PCDH9: variants seen among roughly 807,000 people sequenced by gnomAD.
PCDH9 encodes the protein protocadherin 9.
PCDH9 carries 24 observed loss-of-function variants against 70.6 expected under a neutral mutation model. The observed-to-expected ratio is 0.34, with a 90% confidence interval of 0.25 to 0.48. The LOEUF is 0.48. PCDH9 is among the 20% of genes least tolerant of loss of function. The pLI, the probability that PCDH9 is intolerant of heterozygous loss-of-function variation, is 0.99. For synonymous variants in PCDH9, 562 were observed against 558.5 expected, an observed-to-expected ratio of 1.01 and a Z score of -0.09; for missense variants, 1,281 against 1,503.6, an observed-to-expected ratio of 0.85 and a Z score of 2.45.
chr13:66,784,120 T>C (rs964888947), intron 3 of PCDH9, among the ~76,000 whole-genome samples: 1 of 152,154 alleles, frequency 6.6e-6, no homozygotes, highest in Non-Finnish European at 1.5e-5. Context: ...GCTGTTTACC[T>C]ACCTCCAGAG....
At chr13:67,152,104 T>C (rs2087677572) in intron 2 of PCDH9, among the ~76,000 whole-genome samples, 1 of 152,222 alleles carries the variant, frequency 6.6e-6, no homozygotes, top group South Asian at 2.1e-4. Flanking sequence ...TTTTGTGTCC[T>C]ATTTGTTCCA....
At chr13:66,361,598 T>C (rs910035707) in intron 4 of PCDH9, among the ~76,000 whole-genome samples, 3 of 152,206 alleles carry the variant, frequency 2.0e-5, no homozygotes, top group Non-Finnish European at 4.4e-5. Context: ...ATTTCGAAAT[T>C]GAGCTCCTGA....
chr13:66,630,658 C>G (rs754656020), intron 4 of PCDH9: 2 of 152,048 alleles, frequency 1.3e-5, no homozygotes, highest in Non-Finnish European at 2.9e-5. Flanking sequence ...AAACAACCCC[C>G]AAATTGTTAT....
chr13:66,700,917 CATATAA>C (rs1378676860), intron 3 of PCDH9, among the ~76,000 whole-genome samples: 7,203 of 51,584 alleles, frequency 0.14, 788 homozygotes, highest in Non-Finnish European at 0.2. Context: ...TATGTGTGTA[CATATAA>C]ATATATATAT....
rs567408801 is a variant in PCDH9 at position 67,051,382 on chromosome 13, A to AT, written c.3037-147778dup. On this transcript the variant is annotated intron_variant, in intron 2 of 4. Transcript: ENST00000377865. ...CGAAATACCAGGAAAACAATACAAG[A>AT]TTTTTTTTTTTTTTTTTTTTTTTTT... 1.1e-3 allele frequency among the ~76,000 whole-genome samples: 75 copies of AT among 71,008 alleles called. 1 individual carries two copies. The highest frequency in any genetic ancestry group is 9.8e-3 in the Middle Eastern group (1 of 102). 46.6% of individuals were successfully genotyped at this position (71,008 alleles called of 152,430 possible).
chr13:66,750,421 G>C (rs2079439469), intron 3 of PCDH9, among the ~76,000 whole-genome samples: 1 of 151,674 alleles, frequency 6.6e-6, no homozygotes, highest in African/African-American at 2.4e-5. Context: ...AAGGTGTTTT[G>C]ACTTTCTCGT....
chr13:66,665,035 T>C (rs2078074242), intron 3 of PCDH9, among the ~76,000 whole-genome samples: 2 of 152,168 alleles, frequency 1.3e-5, no homozygotes, highest in Admixed American at 1.3e-4. Context: ...ACACTGTTTT[T>C]CTATTAATTT....
chr13:66,761,402 G>T (rs565194617), intron 3 of PCDH9, among the ~76,000 whole-genome samples: 1 of 152,024 alleles, frequency 6.6e-6, no homozygotes, highest in Non-Finnish European at 1.5e-5. Context: ...TCTGGGTTTG[G>T]ATACATCTAT....
chr13:66,907,107 G>C (rs2139607568), intron 2 of PCDH9, among the ~76,000 whole-genome samples: 1 of 152,170 alleles, frequency 6.6e-6, no homozygotes, highest in South Asian at 2.1e-4. Context: ...GGGAGTCTGA[G>C]GCACGAGAAT....
At chr13:66,759,551 A>C (rs139633555) in intron 3 of PCDH9, among the ~76,000 whole-genome samples, 11 of 152,072 alleles carry the variant, frequency 7.2e-5, no homozygotes, top group Non-Finnish European at 1.5e-4. Context: ...TATTTTAGAG[A>C]TCTTTTTTCT....
intron 4 of PCDH9, among the ~76,000 whole-genome samples, chr13:66,606,835 T>C (rs2077228271): frequency 6.6e-6 from 1 of 152,084 alleles, no homozygotes; most frequent in Non-Finnish European, 1.5e-5. Flanking sequence ...ACCAAAACCA[T>C]CTAAACATTG....
intron 2 of PCDH9, among the ~76,000 whole-genome samples, chr13:67,198,947 C>G (rs953965410): frequency 6.6e-6 from 1 of 151,552 alleles, no homozygotes; most frequent in Non-Finnish European, 1.5e-5. Context: ...ATGTTAATTT[C>G]AAAAGCTATT....
At chr13:66,823,339 G>C (rs1365178851) in intron 3 of PCDH9, among the ~76,000 whole-genome samples, 1 of 151,752 alleles carries the variant, frequency 6.6e-6, no homozygotes, top group African/African-American at 2.4e-5. Context: ...GCAGCATCTT[G>C]AGTCATGCGC....
chr13:66,733,692 C>A (rs1393549545), intron 3 of PCDH9, among the ~76,000 whole-genome samples: 29 of 105,644 alleles, frequency 2.7e-4, no homozygotes, highest in African/African-American at 6.3e-4. Flanking sequence ...TTTTTTTTTA[C>A]GACATTAACA....
chr13:67,177,654 G>T (rs188251749), intron 2 of PCDH9, among the ~76,000 whole-genome samples: 1 of 152,008 alleles, frequency 6.6e-6, no homozygotes, highest in Non-Finnish European at 1.5e-5. Flanking sequence ...CTATGTTGTT[G>T]TCTCTCTCCA....
At chr13:66,903,692 T>C (rs540836370) in intron 2 of PCDH9, 87 bp from the exon 3 acceptor site, 78 of 582,250 alleles carry the variant, frequency 1.3e-4, no homozygotes, top group African/African-American at 1.3e-3. Context: ...ATGAGCCTAA[T>C]AAAGGAATAC....
At chr13:66,825,615 G>T (rs956737309) in intron 3 of PCDH9, among the ~76,000 whole-genome samples, 11 of 152,002 alleles carry the variant, frequency 7.2e-5, no homozygotes, top group Non-Finnish European at 1.3e-4. Context: ...GATTACAGGC[G>T]TGAGCCACCG....
chr13:66,824,622 T>C (rs1195775965), intron 3 of PCDH9, among the ~76,000 whole-genome samples: 2 of 126,910 alleles, frequency 1.6e-5, no homozygotes, highest in African/African-American at 5.8e-5. Context: ...GCCATTGCAC[T>C]CCAACCTGGG....
chr13:66,947,797 T>C (rs1316392480), intron 2 of PCDH9, among the ~76,000 whole-genome samples: 1 of 152,070 alleles, frequency 6.6e-6, no homozygotes, highest in Non-Finnish European at 1.5e-5. Flanking sequence ...GGGGGTGACA[T>C]TGTACATGAT....
Sources: allele counts gnomAD v4.1 joint callset (sites outside exome capture counted in the v4.1 genomes callset), GRCh38; gene constraint gnomAD v4.1.1; transcripts MANE v1.5; gene names NCBI Gene and HGNC (gene_info 2026-07-23, HGNC 2026-07-21).